Variants in MCF2 observed in about 807,000 individuals in gnomAD.
MCF2 encodes MCF.2 cell line derived transforming sequence, also known as proto-oncogene DBL.
A neutral mutation model predicts 82.5 loss-of-function variants in MCF2; 44 were observed. The ratio of observed to expected loss-of-function variants is 0.53; its 90% confidence interval spans 0.42 to 0.69. The LOEUF is 0.69. MCF2 is among the 30% of genes least tolerant of loss of function. The pLI, the probability that MCF2 is intolerant of heterozygous loss-of-function variation, is 0.00. For missense variants in MCF2, 623 were observed against 663.1 expected (o/e 0.94, Z 0.66); for synonymous variants, 217 against 224.9 (o/e 0.96, Z 0.32).
At chrX:139,609,193 T>C (rs759716302) in intron 11 of MCF2, among the ~76,000 whole-genome samples, 3 of 112,163 alleles carry the variant, frequency 2.7e-5, no homozygotes, top group Non-Finnish European at 5.6e-5. Flanking sequence ...TATGCTATAC[T>C]GCCCCTTAAA....
chrX:139,686,017 T>TA (rs200711875), intron 1 of MCF2, among the ~76,000 whole-genome samples: 1,695 of 109,748 alleles, frequency 0.015, 24 homozygotes, highest in Middle Eastern at 0.051. Context: ...ACCACATGAT[T>TA]ATCTCAATAG....
chrX:139,643,842 A>T (rs148184224), upstream of MCF2, among the ~76,000 whole-genome samples: 989 of 112,045 alleles, frequency 8.8e-3, 14 homozygotes, highest in African/African-American at 0.03. Flanking sequence ...ATAAAAATAA[A>T]ACTCTACCAA....
In MCF2 at chrX:139,634,122, C is replaced by A. The variant is rs374927978; in HGVS notation, c.52-1668G>T. ...GATGTCCTTCGGATAGCTGTTTGTA[C>A]AATTAAGAAGGGAAAGAAGTCTAGG... is the stretch of plus-strand genomic sequence containing the variant. On this transcript the variant is annotated intron_variant, in intron 1 of 24. Transcript: ENST00000370576. Among the ~76,000 whole-genome samples, 14 of 111,470 alleles carry A rather than the reference C, an allele frequency of 1.3e-4. No homozygotes were observed. The East Asian group carries it at 3.7e-3, about 29-fold the overall frequency.
At chrX:139,677,864 C>A (rs1934908645) in intron 1 of MCF2, among the ~76,000 whole-genome samples, 1 of 111,836 alleles carries the variant, frequency 8.9e-6, no homozygotes, top group African/African-American at 3.3e-5. Context: ...TGGGAAAAAT[C>A]AAATTAAATC....
chrX:139,678,109 G>C (rs1278172140), intron 1 of MCF2, among the ~76,000 whole-genome samples: 2 of 111,936 alleles, frequency 1.8e-5, no homozygotes, highest in African/African-American at 6.5e-5. Context: ...GCTGCAGTGA[G>C]CTGTGATTCC....
chrX:139,582,695 G>A (rs1928581459), intron 24 of MCF2, among the ~76,000 whole-genome samples, 192 bp from the exon 29 acceptor site: 1 of 111,108 alleles, frequency 9.0e-6, no homozygotes, highest in African/African-American at 3.3e-5. Flanking sequence ...AAACTAATAG[G>A]TTTTTCTATA....
At chrX:139,629,350 T>C (rs917146064) in intron 4 of MCF2, among the ~76,000 whole-genome samples, 2 of 112,182 alleles carry the variant, frequency 1.8e-5, no homozygotes, top group Non-Finnish European at 3.8e-5. Context: ...TACAATCATA[T>C]GGGACTACTG....
intron 2 of MCF2, among the ~76,000 whole-genome samples, chrX:139,649,798 G>C (rs1220381578): frequency 9.0e-6 from 1 of 111,689 alleles, no homozygotes; most frequent in African/African-American, 3.3e-5. Context: ...AAGGTGTAGA[G>C]AGGGGTCTGG....
intron 11 of MCF2, among the ~76,000 whole-genome samples, chrX:139,608,451 G>A (rs1931226133): frequency 9.0e-6 from 1 of 111,017 alleles, no homozygotes; most frequent in Admixed American, 9.6e-5. Flanking sequence ...TAAAGGACTT[G>A]GACTGGCCTA....
Position 139,616,401 on chromosome X carries a change from C to G in MCF2, c.1072G>C (p.Asp358His), listed in dbSNP as rs142028750. The change falls in exon 9 of 25, where the codon GAT becomes CAT. Residue 358 changes from aspartate to histidine, a missense_variant. Asp to His is a moderately conservative substitution (Grantham distance 81). Transcript: ENST00000370576. The stretch of plus-strand genomic sequence containing the variant: ...ATGTCTTGGAGAGCTTTCTGAGCAT[C>G]TTCTTTAGACTGAAACTTATCTATT... 26 of 1,178,308 alleles carry G rather than the reference C, an allele frequency of 2.2e-5. No homozygotes were observed. In the African/African-American group the frequency reaches 4.6e-4, roughly 21 times the overall value.
At chrX:139,659,572 C>T (rs946293449) in intron 1 of MCF2, among the ~76,000 whole-genome samples, 6 of 111,648 alleles carry the variant, frequency 5.4e-5, no homozygotes, top group African/African-American at 2.0e-4. Flanking sequence ...ATTTATCCAA[C>T]CTCTCTGGGG....
intron 4 of MCF2, among the ~76,000 whole-genome samples, chrX:139,628,226 G>A (rs1335647104): frequency 1.8e-5 from 2 of 111,485 alleles, no homozygotes; most frequent in African/African-American, 6.5e-5. Context: ...ATCAACCTAG[G>A]TGCCCATCAA....
chrX:139,691,969 C>G (rs1382669430), intron 1 of MCF2: 5 of 1,164,958 alleles, frequency 4.3e-6, no homozygotes, highest in Non-Finnish European at 4.6e-6. Flanking sequence ...TACTTCTCGG[C>G]AATCCTCACG....
At chrX:139,650,514 C>G (rs192832648) in intron 2 of MCF2, among the ~76,000 whole-genome samples, 4 of 21,807 alleles carry the variant, frequency 1.8e-4, no homozygotes, top group Admixed American at 1.6e-3. Context: ...TTCTTGTACT[C>G]CTAAGAAGCA....
chrX:139,697,762 G>A (rs771894034), intron 1 of MCF2, among the ~76,000 whole-genome samples: 7 of 111,950 alleles, frequency 6.3e-5, no homozygotes, highest in South Asian at 3.7e-4. Context: ...CCATTTTAAA[G>A]GCCAAAACTT....
At position 139,598,394 on chromosome X, in the gene MCF2, T is replaced by G; in HGVS notation, c.1929+12A>C. The stretch of plus-strand genomic sequence containing the variant: ...AAAAGTAAAGAAACAAACAAATGCT[T>G]CATATAATTACCTTCAACAATAACT... On this transcript the variant is annotated intron_variant, in intron 17 of 24. Coordinates refer to ENST00000370576, the Ensembl canonical transcript of MCF2. The G allele has an allele frequency of 9.4e-7, 1 of 1,059,570 alleles. No individual in the cohort carries two copies. The highest frequency in any genetic ancestry group is 1.3e-6 in the Non-Finnish European group (1 of 765,929). 87.3% of individuals were successfully genotyped at this position (1,059,570 alleles called of 1,213,427 possible).
chrX:139,595,806 A>C (rs1480329670), intron 19 of MCF2, among the ~76,000 whole-genome samples: 18 of 111,502 alleles, frequency 1.6e-4, no homozygotes, highest in African/African-American at 5.9e-4. Flanking sequence ...AAAAAAATTC[A>C]AATTTGTCAA....
chrX:139,589,732 G>A, intron 20 of MCF2, 103 bp downstream of exon 24: 1 of 554,880 alleles, frequency 1.8e-6, no homozygotes, highest in Non-Finnish European at 3.1e-6. Context: ...CATGAAAGGG[G>A]TGGAAATTTT....
intron 10 of MCF2, among the ~76,000 whole-genome samples, 160 bp from the exon 15 acceptor site, chrX:139,610,498 TACTC>T (rs1265820962): frequency 1.8e-5 from 2 of 111,773 alleles, no homozygotes; most frequent in African/African-American, 6.5e-5. Flanking sequence ...TGGTTGGACT[TACTC>T]ACATGATTTC....
Sources: gnomAD v4.1 joint callset for allele counts (sites outside exome capture counted in the v4.1 genomes callset) on GRCh38, gnomAD v4.1.1 for gene constraint, MANE v1.5 for transcripts, NCBI Gene and HGNC (gene_info 2026-07-23, HGNC 2026-07-21) for gene names.